COMMD7: variants seen among roughly 807,000 people sequenced by gnomAD.
COMMD7 encodes COMM domain-containing protein 7.
Under a neutral mutation model 34.8 loss-of-function variants are expected in COMMD7, and 28 were observed. That is an observed-to-expected ratio of 0.80 (90% CI 0.60 to 1.10). The LOEUF (loss-of-function observed/expected upper bound fraction) is 1.10, where lower values mean the gene tolerates loss of function less well. Among genes scored for constraint, COMMD7 ranks in the 50% least tolerant of loss-of-function variants. The probability of loss-of-function intolerance (pLI) is 0.00; values close to 1 mark genes in which losing one functional copy is unlikely to be tolerated. For synonymous variants in COMMD7, 80 were observed against 86.4 expected (o/e 0.93, Z 0.41); for missense variants, 211 against 241.6 (o/e 0.87, Z 0.84).
chr20:32,742,056 C>T (rs1410588723), intron 1 of COMMD7, among the ~76,000 whole-genome samples: 4 of 151,980 alleles, frequency 2.6e-5, no homozygotes, highest in Non-Finnish European at 5.9e-5. Flanking sequence ...GGCATGGTGG[C>T]GTGTGCCTGT....
chr20:32,740,324 A>G (rs912436313), intron 1 of COMMD7, among the ~76,000 whole-genome samples: 21 of 152,184 alleles, frequency 1.4e-4, no homozygotes, highest in African/African-American at 4.8e-4. Context: ...CTCAAAAAAA[A>G]AAAGAAAAGG....
intron 1 of COMMD7, among the ~76,000 whole-genome samples, chr20:32,734,881 A>G (rs1281880668): frequency 1.3e-5 from 2 of 149,846 alleles, no homozygotes; most frequent in South Asian, 2.1e-4. Flanking sequence ...CCAAGATTGT[A>G]CCATTGCAGT....
intron 3 of COMMD7, among the ~76,000 whole-genome samples, chr20:32,716,474 G>T (rs1362233431): frequency 2.0e-5 from 3 of 152,072 alleles, no homozygotes; most frequent in African/African-American, 7.2e-5. Context: ...AATTAGCCAG[G>T]CGTGGTGGCA....
At chr20:32,722,081 T>A (rs1985196115) in intron 3 of COMMD7, among the ~76,000 whole-genome samples, 1 of 145,800 alleles carries the variant, frequency 6.9e-6, no homozygotes, top group Non-Finnish European at 1.5e-5. Context: ...AAAATAAAAA[T>A]ACAACTACAA....
At chr20:32,722,246 GAAAA>G (rs747223357) in intron 3 of COMMD7, among the ~76,000 whole-genome samples, 9 of 37,018 alleles carry the variant, frequency 2.4e-4, no homozygotes, top group East Asian at 9.5e-4. Flanking sequence ...ACTCTGTCTC[GAAAA>G]AAAAAAAAAA....
intron 3 of COMMD7, among the ~76,000 whole-genome samples, chr20:32,715,846 T>C (rs185257536): frequency 6.6e-6 from 1 of 152,182 alleles, no homozygotes; most frequent in African/African-American, 2.4e-5. Context: ...AATTAATAAA[T>C]TAATTAAAAA....
At chr20:32,730,610 G>A (rs557070531) in intron 1 of COMMD7, among the ~76,000 whole-genome samples, 3 of 152,152 alleles carry the variant, frequency 2.0e-5, no homozygotes, top group Admixed American at 6.6e-5. Flanking sequence ...TGGCATAGTG[G>A]GGAAAACCAG....
intron 1 of COMMD7, among the ~76,000 whole-genome samples, chr20:32,735,558 C>A (rs969895193): frequency 1.3e-5 from 2 of 152,168 alleles, no homozygotes; most frequent in Non-Finnish European, 2.9e-5. Flanking sequence ...CTGAAGTGAT[C>A]CACCTGCCTC....
At chr20:32,730,531 G>C (rs1985776208) in intron 1 of COMMD7, among the ~76,000 whole-genome samples, 1 of 151,130 alleles carries the variant, frequency 6.6e-6, no homozygotes, top group Non-Finnish European at 1.5e-5. Flanking sequence ...CTCCAGCCTG[G>C]GTGACAGAGC....
intron 5 of COMMD7, among the ~76,000 whole-genome samples, chr20:32,706,131 G>A (rs1386045682): frequency 6.6e-6 from 1 of 151,684 alleles, no homozygotes; most frequent in Non-Finnish European, 1.5e-5. Context: ...CAAGGAGGTG[G>A]AGGTTGCAGT....
chr20:32,743,307 C>G lies in COMMD7; in HGVS notation c.84+1G>C. On this transcript the variant is annotated splice_donor_variant, in intron 1 of 8. Coordinates refer to ENST00000278980, the MANE Select transcript of COMMD7 (RefSeq NM_053041.3). LOFTEE classifies it high-confidence loss of function. ...GCCCCACGCCCCGCCGCCGGGCCCACCTGCGCGCCCAGCTGGTTCAGCTGC... is the reference window on the plus strand; with the variant it reads ...GCCCCACGCCCCGCCGCCGGGCCCAGCTGCGCGCCCAGCTGGTTCAGCTGC... The G allele has an allele frequency of 6.6e-7, 1 of 1,517,266 alleles. No homozygotes were observed. The highest frequency in any genetic ancestry group is 1.2e-5 in the South Asian group (1 of 82,838). 94.0% of individuals were successfully genotyped at this position (1,517,266 alleles called of 1,614,324 possible).
intron 3 of COMMD7, among the ~76,000 whole-genome samples, chr20:32,713,231 G>A (rs957537598): frequency 6.6e-6 from 1 of 151,582 alleles, no homozygotes; most frequent in Admixed American, 6.6e-5. Context: ...TTTGTATTTA[G>A]TAGAGATGGG....
chr20:32,730,830 C>T (rs941477236), intron 1 of COMMD7, among the ~76,000 whole-genome samples: 9 of 152,024 alleles, frequency 5.9e-5, no homozygotes, highest in Non-Finnish European at 2.9e-5. Flanking sequence ...CAGTTAGAGT[C>T]ATAATTAGAG....
intron 3 of COMMD7, among the ~76,000 whole-genome samples, chr20:32,717,245 C>T (rs557542658): frequency 6.6e-6 from 1 of 152,078 alleles, no homozygotes; most frequent in South Asian, 2.1e-4. Flanking sequence ...AGCCTGGACT[C>T]CTGGGCTCAA....
intron 3 of COMMD7, among the ~76,000 whole-genome samples, chr20:32,712,194 C>A (rs962356791): frequency 1.7e-4 from 23 of 135,612 alleles, no homozygotes; most frequent in African/African-American, 5.8e-4. Flanking sequence ...TGCTTGCACC[C>A]GGGAGGCAGA....
rs774648260 is a variant in COMMD7 at position 32,727,969 on chromosome 20, A to G, written c.165T>C (p.Ser55=). 2 of 1,614,158 alleles carry G rather than the reference A, an allele frequency of 1.2e-6. No individual in the cohort carries two copies. Among genetic ancestry groups the G allele is most frequent in the Admixed American group, 1.7e-5 (1 of 59,992 alleles). ...TGATCTGATTGGTGGTGGCAAATTC[A>G]GAGAGCTGAGCCAGAAATCTTTCCA... The part of the protein sequence containing the change: ...KEVERFLAQL[S]EFATTNQISL... Residue 55 remains serine (S), a synonymous_variant, in exon 3 of 9, where the codon TCT becomes TCC. Coordinates refer to ENST00000278980, the MANE Select transcript of COMMD7 (RefSeq NM_053041.3).
chr20:32,714,739 G>T (rs931417679), intron 3 of COMMD7, among the ~76,000 whole-genome samples: 1 of 151,944 alleles, frequency 6.6e-6, no homozygotes, highest in African/African-American at 2.4e-5. Context: ...TAGAATAATC[G>T]CTTGAACCTG....
chr20:32,720,017 G>A (rs558737953), intron 3 of COMMD7, among the ~76,000 whole-genome samples: 46 of 152,220 alleles, frequency 3.0e-4, no homozygotes, highest in African/African-American at 8.9e-4. Flanking sequence ...TCCTAACACC[G>A]CAATAAGCTG....
intron 3 of COMMD7, among the ~76,000 whole-genome samples, chr20:32,724,229 GC>G (rs1985374696): frequency 4.2e-5 from 1 of 23,808 alleles, no homozygotes; most frequent in Non-Finnish European, 1.2e-4. Flanking sequence ...GAAGTGAGGA[GC>G]CCCTCTGCCT....
Sources: allele counts gnomAD v4.1 joint callset (sites outside exome capture counted in the v4.1 genomes callset), GRCh38; gene constraint gnomAD v4.1.1; transcripts MANE v1.5; gene names NCBI Gene and HGNC (gene_info 2026-07-23, HGNC 2026-07-21).